The following RBM27 variants were observed in gnomAD, a reference collection of about 807,000 sequenced individuals.
RBM27 encodes RNA binding motif protein 27.
Under a neutral mutation model 135.3 loss-of-function variants are expected in RBM27, and 22 were observed. The ratio of observed to expected loss-of-function variants is 0.16; its 90% CI spans 0.12 to 0.23. The LOEUF (loss-of-function observed/expected upper bound fraction) is 0.23. Among genes scored for constraint, RBM27 ranks in the 10% least tolerant of loss-of-function variants. RBM27 has a pLI of 1.00. For synonymous variants in RBM27, 481 were observed against 442.4 expected (o/e 1.09, Z -1.10); for missense variants, 1,009 against 1,281.0 (o/e 0.79, Z 3.24).
chr5:146,217,462 C>CTTT (rs1756255164), intron 1 of RBM27, among the ~76,000 whole-genome samples: 1 of 125,130 alleles, frequency 8.0e-6, no homozygotes, highest in African/African-American at 3.2e-5. Context: ...GAGCTGAAGC[C>CTTT]TGTTTTTTTT....
chr5:146,288,399 G>A lies in RBM27; in HGVS notation c.*2369G>A, dbSNP rs1759664476. The A allele has an allele frequency of 6.6e-6, 1 of 152,044 alleles. No homozygotes were observed. Among genetic ancestry groups the A allele is most frequent in the African/African-American group, 2.4e-5 (1 of 41,424 alleles). 9.4% of individuals were successfully genotyped at this position (152,044 alleles called of 1,614,324 possible). ...AAACAGGACTAAAAATACTTTAAAA[G>A]TGTGCTTTCAAAGAATTTTAAAACA... On this transcript the variant is annotated 3_prime_UTR_variant, in exon 21 of 21. Transcript: ENST00000265271.
intron 20 of RBM27, among the ~76,000 whole-genome samples, 167 bp downstream of exon 20, chr5:146,284,899 T>C (rs906562970): frequency 4.6e-5 from 7 of 152,162 alleles, no homozygotes; most frequent in Non-Finnish European, 8.8e-5. Flanking sequence ...TCTAGAGATA[T>C]AAGAAGCTGT....
intron 13 of RBM27, 148 bp from the exon 14 acceptor site, chr5:146,263,343 C>G: frequency 2.8e-6 from 2 of 722,380 alleles, no homozygotes; most frequent in Non-Finnish European, 4.4e-6. Flanking sequence ...ACCAGTTCCC[C>G]TTAAAAAATA....
At chr5:146,265,439 T>C (rs1356092088) in intron 14 of RBM27, among the ~76,000 whole-genome samples, 7 of 152,164 alleles carry the variant, frequency 4.6e-5, no homozygotes, top group Non-Finnish European at 1.0e-4. Flanking sequence ...AGATAATTCA[T>C]ATTATTTAAA....
intron 8 of RBM27, among the ~76,000 whole-genome samples, chr5:146,246,828 A>G (rs1252093719): frequency 6.6e-6 from 1 of 151,298 alleles, no homozygotes; most frequent in South Asian, 2.1e-4. Context: ...TGCTTCATCC[A>G]TAACCTACTC....
chr5:146,234,832 G>A (rs1402514862), intron 7 of RBM27, among the ~76,000 whole-genome samples: 1 of 151,874 alleles, frequency 6.6e-6, no homozygotes, highest in Non-Finnish European at 1.5e-5. Flanking sequence ...TCTGGAGTTC[G>A]AGACCAGCCT....
chr5:146,228,419 C>T (rs1361326256), intron 3 of RBM27, among the ~76,000 whole-genome samples: 1 of 151,286 alleles, frequency 6.6e-6, no homozygotes, highest in African/African-American at 2.4e-5. Context: ...GTAGCTGGGA[C>T]TACAGGCACG....
chr5:146,285,842 A>G (rs1375674481), intron 20 of RBM27, 105 bp from the exon 21 acceptor site: 2 of 812,982 alleles, frequency 2.5e-6, no homozygotes, highest in Admixed American at 2.7e-5. Context: ...CCCTTATGAA[A>G]TCTAGCCTGG....
chr5:146,259,224 A>C (rs1053676604), intron 11 of RBM27, among the ~76,000 whole-genome samples: 2 of 151,766 alleles, frequency 1.3e-5, no homozygotes, highest in South Asian at 4.2e-4. Context: ...GCCGTTAAAG[A>C]TGATGTTCTA....
intron 8 of RBM27, among the ~76,000 whole-genome samples, chr5:146,247,701 A>T (rs563883170): frequency 6.6e-6 from 1 of 152,230 alleles, no homozygotes; most frequent in South Asian, 2.1e-4. Flanking sequence ...ATAAAATTCA[A>T]TTTTTTTCTT....
intron 10 of RBM27, among the ~76,000 whole-genome samples, chr5:146,256,372 CAG>C (rs1283375389): frequency 4.1e-5 from 6 of 146,430 alleles, no homozygotes; most frequent in Non-Finnish European, 1.5e-5. Flanking sequence ...TTTTTTGAGA[CAG>C]GGTCTCCTTC....
At chr5:146,279,543 C>T (rs374485593) in intron 19 of RBM27, among the ~76,000 whole-genome samples, 1 of 152,030 alleles carries the variant, frequency 6.6e-6, no homozygotes, top group East Asian at 1.9e-4. Flanking sequence ...TACGGTGGCT[C>T]ACGCCTATAA....
chr5:146,209,085 C>A (rs1015878049), intron 1 of RBM27, among the ~76,000 whole-genome samples: 1 of 152,098 alleles, frequency 6.6e-6, no homozygotes, highest in African/African-American at 2.4e-5. Context: ...TTAAACAGAA[C>A]TAAATTTTAT....
chr5:146,203,807 C>G lies in RBM27; in HGVS notation c.42C>G (p.Ala14=). Residue 14 remains alanine (A), a synonymous_variant, in exon 1 of 21, where the codon GCC becomes GCG. Transcript: ENST00000265271. ...EDVDALKSWL[A]KLLEPICDAD... is the part of the protein sequence containing the mutation. ...TGGATGCCCTCAAGTCCTGGCTGGC[C>G]AAGTTACTGGAGCCGATGTGAGTGA... The G allele has an allele frequency of 2.7e-6, 4 of 1,503,862 alleles. No individual in the cohort carries two copies. The highest frequency in any genetic ancestry group is 3.6e-6 in the Non-Finnish European group (4 of 1,117,644). 93.2% of individuals were successfully genotyped at this position (1,503,862 alleles called of 1,614,324 possible).
chr5:146,229,232 T>C (rs1756817581), intron 4 of RBM27, among the ~76,000 whole-genome samples, 195 bp downstream of exon 4: 3 of 152,188 alleles, frequency 2.0e-5, no homozygotes, highest in Admixed American at 2.0e-4. Flanking sequence ...TTATAAACAG[T>C]CATTATTATG....
chr5:146,267,500 A>G (rs1758665585), intron 14 of RBM27, 149 bp from the exon 15 acceptor site: 1 of 556,110 alleles, frequency 1.8e-6, no homozygotes, highest in African/African-American at 1.9e-5. Context: ...ATAAAGAACT[A>G]GATTTTATAA....
rs547087200 is a variant in RBM27 at position 146,256,994 on chromosome 5, A to G, written c.1595-1455A>G. Among the ~76,000 whole-genome samples the G allele has an allele frequency of 2.6e-5, 4 of 152,380 alleles. No homozygotes were observed. In the East Asian group the frequency reaches 7.7e-4, roughly 29 times the overall value. On this transcript the variant is annotated intron_variant, in intron 10 of 20. Transcript: ENST00000265271. Reference sequence around the variant, plus strand: ...CTCAAACTCTAGAATGCTTTATGCCATCGCAGTTGCTATCTTCTTCATTAG... The same window carrying G: ...CTCAAACTCTAGAATGCTTTATGCCGTCGCAGTTGCTATCTTCTTCATTAG...
chr5:146,234,303 A>G (rs1029142420), intron 7 of RBM27, among the ~76,000 whole-genome samples: 1 of 152,212 alleles, frequency 6.6e-6, no homozygotes, highest in Non-Finnish European at 1.5e-5. Context: ...AGACATTTTT[A>G]GAAGTAGAAT....
chr5:146,248,962 G>A (rs2126811094), intron 8 of RBM27, among the ~76,000 whole-genome samples: 1 of 152,088 alleles, frequency 6.6e-6, no homozygotes, highest in South Asian at 2.1e-4. Context: ...TTCTATATAT[G>A]TATGTATTTC....
Sources: gnomAD v4.1 joint callset for allele counts (sites outside exome capture counted in the v4.1 genomes callset) on GRCh38, gnomAD v4.1.1 for gene constraint, MANE v1.5 for transcripts, NCBI Gene and HGNC (gene_info 2026-07-23, HGNC 2026-07-21) for gene names.